LARGE1: variants seen among roughly 807,000 people sequenced by gnomAD.
LARGE1 encodes the protein LARGE xylosyl- and glucuronyltransferase 1.
LARGE1 carries 43 observed loss-of-function variants against 87.6 expected under a neutral mutation model. That is an observed-to-expected ratio of 0.49 (90% confidence interval 0.38 to 0.63). LARGE1 has a LOEUF of 0.63. Among genes scored for constraint, LARGE1 ranks in the 30% least tolerant of loss-of-function variants. The probability of loss-of-function intolerance (pLI) is 0.00; values close to 1 mark genes in which losing one functional copy is unlikely to be tolerated. For synonymous variants in LARGE1, 434 were observed against 394.6 expected, an observed-to-expected ratio of 1.10 and a Z score of -1.18; for missense variants, 802 against 1,000.2, an observed-to-expected ratio of 0.80 and a Z score of 2.67.
the LARGE1 span, among the ~76,000 whole-genome samples, chr22:33,086,550 T>TTTTTAC: frequency 2.1e-5 from 1 of 47,578 alleles, no homozygotes; most frequent in African/African-American, 5.3e-5. Context: ...GTTCTTCTAC[T>TTTTTAC]TTTTTTTTTT....
intron 2 of LARGE1, among the ~76,000 whole-genome samples, chr22:33,689,743 G>A (rs2082043914): frequency 1.4e-5 from 2 of 143,216 alleles, no homozygotes; most frequent in African/African-American, 5.3e-5. Flanking sequence ...TGGCCAACAT[G>A]GTGAAAACCT....
At chr22:33,612,714 C>T (rs992067937) in intron 4 of LARGE1, among the ~76,000 whole-genome samples, 1 of 152,180 alleles carries the variant, frequency 6.6e-6, no homozygotes, top group Non-Finnish European at 1.5e-5. Flanking sequence ...ACAGACTGGG[C>T]TAGAATGTGT....
chr22:33,416,101 C>T (rs899393090), intron 7 of LARGE1, among the ~76,000 whole-genome samples: 11 of 152,220 alleles, frequency 7.2e-5, no homozygotes, highest in African/African-American at 2.7e-4. Context: ...ATGCTCCCAT[C>T]TTCTAGGTGA....
chr22:33,869,270 T>C (rs1284156355), intron 1 of LARGE1, among the ~76,000 whole-genome samples: 1 of 152,094 alleles, frequency 6.6e-6, no homozygotes, highest in Non-Finnish European at 1.5e-5. Context: ...TCACCTTCCC[T>C]ACTCCCCAGG....
At chr22:33,241,762 G>A (rs1926533690) in intron 11 of LARGE1, among the ~76,000 whole-genome samples, 1 of 152,008 alleles carries the variant, frequency 6.6e-6, no homozygotes, top group African/African-American at 2.4e-5. Context: ...GGACTCTAAA[G>A]GCAAATACCA....
At chr22:33,343,587 G>T (rs1939409197) in intron 9 of LARGE1, among the ~76,000 whole-genome samples, 1 of 152,088 alleles carries the variant, frequency 6.6e-6, no homozygotes, top group Non-Finnish European at 1.5e-5. Context: ...ACTCTCTCCT[G>T]CAGGGGTTGA....
intron 11 of LARGE1, among the ~76,000 whole-genome samples, chr22:33,237,848 A>G (rs993730337): frequency 6.6e-6 from 1 of 152,250 alleles, no homozygotes; most frequent in Non-Finnish European, 1.5e-5. Context: ...ATGAGATAGC[A>G]TGGTCCATGC....
rs1457066215 is a variant in LARGE1, at chr22:33,644,131, T to C, written c.408+6236A>G. 3.9e-5 allele frequency among the ~76,000 whole-genome samples: 6 copies of C among 152,106 alleles called. No homozygotes were observed. The East Asian group carries it at 1.2e-3, about 29-fold the overall frequency. ...AAAAAAAGAAAATTTCAGGCCAATA[T>C]CCCTGATGAACATCAATGTGAAAAT... is the stretch of plus-strand genomic sequence containing the variant. On this transcript the variant is annotated intron_variant, in intron 3 of 14. Coordinates refer to ENST00000397394, the MANE Select transcript of LARGE1 (RefSeq NM_133642.5).
At chr22:33,617,037 A>C (rs949495543) in intron 4 of LARGE1, among the ~76,000 whole-genome samples, 1 of 152,216 alleles carries the variant, frequency 6.6e-6, no homozygotes, top group African/African-American at 2.4e-5. Flanking sequence ...AGAGGGAAGG[A>C]GGCCTGCTCT....
At chr22:33,241,074 A>G (rs1033803085) in intron 11 of LARGE1, among the ~76,000 whole-genome samples, 4 of 152,214 alleles carry the variant, frequency 2.6e-5, no homozygotes, top group African/African-American at 9.7e-5. Context: ...TCCGGCTTCC[A>G]TGAGATGTCT....
intron 3 of LARGE1, among the ~76,000 whole-genome samples, chr22:33,645,005 G>A (rs2080562854): frequency 6.6e-6 from 1 of 152,190 alleles, no homozygotes; most frequent in Non-Finnish European, 1.5e-5. Flanking sequence ...TATATTCAAT[G>A]CTATTCCCAT....
At chr22:33,459,057 C>T (rs753263431) in intron 6 of LARGE1, among the ~76,000 whole-genome samples, 8 of 151,692 alleles carry the variant, frequency 5.3e-5, no homozygotes, top group Non-Finnish European at 8.8e-5. Context: ...GCAGAACATG[C>T]AGGTTTGTAT....
chr22:33,635,251 G>A (rs1345553770), intron 3 of LARGE1, among the ~76,000 whole-genome samples: 1 of 152,106 alleles, frequency 6.6e-6, no homozygotes, highest in Non-Finnish European at 1.5e-5. Flanking sequence ...TTTATTTTTG[G>A]TTAAGTGATG....
Position 33,274,624 on chromosome 22 carries a change from C to A in LARGE1, c.2074G>T (p.Glu692Ter). 1 of 1,614,016 alleles carries A rather than the reference C, an allele frequency of 6.2e-7. No individual in the cohort carries two copies. Among genetic ancestry groups the A allele is most frequent in the Non-Finnish European group, 8.5e-7 (1 of 1,179,966 alleles). Residue 692 changes from glutamate to a stop codon, truncating the protein, a stop_gained and splice_region_variant, in exon 15 of 15, where the codon GAG (glutamate) becomes TAG (stop). Transcript: ENST00000397394. LOFTEE classifies it high-confidence loss of function. ...TTGGGCAGCACAATGAACTCATACTCCTGGAAGAAGACAAGAGCAGCGTGA... is the reference window on the plus strand; with the variant it reads ...TTGGGCAGCACAATGAACTCATACTACTGGAAGAAGACAAGAGCAGCGTGA... ...VAHIMELDVQ[E>*]YEFIVLPNAY...
At chr22:33,348,280 A>ACC (rs11327050) in intron 9 of LARGE1, among the ~76,000 whole-genome samples, 87 of 100,894 alleles carry the variant, frequency 8.6e-4, no homozygotes, top group Middle Eastern at 4.6e-3. Context: ...TCCCCCACCC[A>ACC]CCCCCCCCCA....
chr22:33,304,572 T>C (rs189664052), intron 11 of LARGE1, 65 bp from the exon 12 acceptor site: 9 of 1,475,416 alleles, frequency 6.1e-6, no homozygotes, highest in Admixed American at 4.3e-5. Context: ...GCCGGGCCTG[T>C]TGTGGGGCTC....
At chr22:33,623,970 C>CCT (rs2079839263) in intron 4 of LARGE1, among the ~76,000 whole-genome samples, 1 of 152,050 alleles carries the variant, frequency 6.6e-6, no homozygotes, top group African/African-American at 2.4e-5. Context: ...GCAGAGGTTT[C>CCT]AGTGAGCCAA....
intron 5 of LARGE1, among the ~76,000 whole-genome samples, chr22:33,590,530 C>T (rs978275219): frequency 1.3e-5 from 2 of 152,176 alleles, no homozygotes; most frequent in Non-Finnish European, 2.9e-5. Flanking sequence ...TTTGATCGCC[C>T]TCGAAAATGC....
chr22:33,916,312 A>C (rs553693728), intron 1 of LARGE1, among the ~76,000 whole-genome samples: 1 of 152,052 alleles, frequency 6.6e-6, no homozygotes, highest in South Asian at 2.1e-4. Flanking sequence ...CAAACAAACA[A>C]ATAGCTGAAT....
Sources: allele counts gnomAD v4.1 joint callset (sites outside exome capture counted in the v4.1 genomes callset), GRCh38; gene constraint gnomAD v4.1.1; transcripts MANE v1.5; gene names NCBI Gene and HGNC (gene_info 2026-07-23, HGNC 2026-07-21).